GADL1: variants seen among roughly 807,000 people sequenced by gnomAD.
GADL1 encodes the protein GAD like acidic amino acid decarboxylase 1, also known as acidic amino acid decarboxylase GADL1.
GADL1 carries 71 observed loss-of-function variants against 69.5 expected under a neutral mutation model. That is an observed-to-expected ratio of 1.02 (90% confidence interval 0.84 to 1.25). The LOEUF is 1.25. Ranked by LOEUF, GADL1 falls within the 50% of genes most tolerant of loss-of-function variation. The pLI is 0.00. For synonymous variants in GADL1, 254 were observed against 214.4 expected, an observed-to-expected ratio of 1.18 and a Z score of -1.62; for missense variants, 737 against 631.8, an observed-to-expected ratio of 1.17 and a Z score of -1.79.
intron 14 of GADL1, among the ~76,000 whole-genome samples, chr3:30,764,738 C>T (rs968208854): frequency 6.6e-6 from 1 of 152,178 alleles, no homozygotes; most frequent in Non-Finnish European, 1.5e-5. Context: ...AACTAAACTG[C>T]CACAGTATTC....
At chr3:30,734,828 A>C (rs1389298418) in intron 14 of GADL1, among the ~76,000 whole-genome samples, 7 of 152,186 alleles carry the variant, frequency 4.6e-5, no homozygotes, top group Non-Finnish European at 8.8e-5. Flanking sequence ...CATAGCCATA[A>C]ACTGCAGAAA....
intron 1 of GADL1, among the ~76,000 whole-genome samples, chr3:30,891,005 C>T (rs965236689): frequency 6.6e-5 from 10 of 151,166 alleles, no homozygotes; most frequent in African/African-American, 1.7e-4. Context: ...TCTGAACAGG[C>T]TGTCGGCTAG....
At chr3:30,738,726 G>A (rs540430922) in intron 14 of GADL1, among the ~76,000 whole-genome samples, 8 of 152,102 alleles carry the variant, frequency 5.3e-5, no homozygotes, top group Admixed American at 2.0e-4. Flanking sequence ...GGCATACGAT[G>A]CTTTAGTTTC....
intron 11 of GADL1, among the ~76,000 whole-genome samples, chr3:30,831,168 A>G (rs1697785371): frequency 6.6e-6 from 1 of 151,956 alleles, no homozygotes; most frequent in Non-Finnish European, 1.5e-5. Flanking sequence ...CTGTTGTTCT[A>G]AAGATCAAGT....
At chr3:30,735,876 C>T (rs1695535443) in intron 14 of GADL1, among the ~76,000 whole-genome samples, 1 of 152,090 alleles carries the variant, frequency 6.6e-6, no homozygotes, top group Non-Finnish European at 1.5e-5. Context: ...GGCTCTACCA[C>T]ACATCAGATT....
At chr3:30,742,741 A>G (rs569331513) in intron 14 of GADL1, among the ~76,000 whole-genome samples, 1 of 152,166 alleles carries the variant, frequency 6.6e-6, no homozygotes, top group Non-Finnish European at 1.5e-5. Flanking sequence ...AATATCATAC[A>G]AGAAAACAAA....
intron 14 of GADL1, among the ~76,000 whole-genome samples, chr3:30,773,857 T>C (rs1227268223): frequency 3.3e-5 from 5 of 152,266 alleles, no homozygotes; most frequent in Non-Finnish European, 1.5e-5. Flanking sequence ...TTCAGAAAAA[T>C]GGTACAAAAT....
chr3:30,792,685 T>G (rs1044169171), intron 12 of GADL1, among the ~76,000 whole-genome samples: 2 of 152,194 alleles, frequency 1.3e-5, no homozygotes, highest in Non-Finnish European at 2.9e-5. Context: ...TGCTCTGTGT[T>G]AGGGAGGTTT....
chr3:30,752,809 G>A (rs1695857899), intron 14 of GADL1, among the ~76,000 whole-genome samples: 1 of 117,034 alleles, frequency 8.5e-6, no homozygotes, highest in Non-Finnish European at 1.7e-5. Context: ...AATCTAGGCT[G>A]CTGGAAGACA....
chr3:30,832,962 C>T (rs1225443655), intron 11 of GADL1, among the ~76,000 whole-genome samples: 4 of 151,950 alleles, frequency 2.6e-5, no homozygotes, highest in Non-Finnish European at 5.9e-5. Flanking sequence ...ATAAATATCA[C>T]AATTTCTTTA....
intron 14 of GADL1, among the ~76,000 whole-genome samples, chr3:30,739,182 G>A (rs990925375): frequency 1.3e-5 from 2 of 152,134 alleles, no homozygotes; most frequent in Non-Finnish European, 1.5e-5. Context: ...TAGATGCAGG[G>A]GCCTGACAAG....
chr3:30,821,236 G>A (rs1697574053), intron 11 of GADL1, among the ~76,000 whole-genome samples: 8 of 151,940 alleles, frequency 5.3e-5, no homozygotes, highest in Admixed American at 3.3e-4. Flanking sequence ...GCTAAATGAC[G>A]AGTTAATGGG....
chr3:30,770,977 T>G (rs1559494893), intron 14 of GADL1, among the ~76,000 whole-genome samples: 1 of 152,260 alleles, frequency 6.6e-6, no homozygotes, highest in East Asian at 1.9e-4. Context: ...ATAAGCAAAG[T>G]AATAACAAAT....
intron 14 of GADL1, among the ~76,000 whole-genome samples, chr3:30,761,864 C>T (rs1481602408): frequency 1.3e-5 from 2 of 152,108 alleles, no homozygotes; most frequent in Admixed American, 1.3e-4. Context: ...TGAAACAGCA[C>T]AACACAAATG....
intron 3 of GADL1, among the ~76,000 whole-genome samples, chr3:30,856,689 T>C (rs1361778197): frequency 1.3e-5 from 2 of 152,078 alleles, no homozygotes; most frequent in Non-Finnish European, 2.9e-5. Flanking sequence ...CAAAATACTA[T>C]TTGCCAGTTT....
chr3:30,761,427 G>GGC (rs1438134682), intron 14 of GADL1, among the ~76,000 whole-genome samples: 1 of 152,104 alleles, frequency 6.6e-6, no homozygotes, highest in Non-Finnish European at 1.5e-5. Context: ...CAGTGTCGGT[G>GGC]GCGCACACAC....
chr3:30,730,680 T>C (rs1180815269), intron 14 of GADL1, among the ~76,000 whole-genome samples: 1 of 152,156 alleles, frequency 6.6e-6, no homozygotes, highest in African/African-American at 2.4e-5. Context: ...GATATACAAA[T>C]ATAACATTAA....
intron 14 of GADL1, among the ~76,000 whole-genome samples, chr3:30,772,952 C>T (rs1296881493): frequency 6.6e-6 from 1 of 152,058 alleles, no homozygotes; most frequent in Non-Finnish European, 1.5e-5. Context: ...TATTGAAGAT[C>T]ACTAGGAACC....
intron 6 of GADL1, among the ~76,000 whole-genome samples, chr3:30,846,091 T>G (rs974178109): frequency 1.3e-5 from 2 of 150,246 alleles, no homozygotes; most frequent in Admixed American, 1.3e-4. Context: ...AAACTGAAGT[T>G]TAAACATCTG....
Sources: allele counts gnomAD v4.1 joint callset (sites outside exome capture counted in the v4.1 genomes callset), GRCh38; gene constraint gnomAD v4.1.1; transcripts MANE v1.5; gene names NCBI Gene and HGNC (gene_info 2026-07-23, HGNC 2026-07-21).